ATF6: variants seen among roughly 807,000 people sequenced by gnomAD.
ATF6 encodes cyclic AMP-dependent transcription factor ATF-6 alpha.
A neutral mutation model predicts 83.6 loss-of-function variants in ATF6; 53 were observed. The ratio of observed to expected loss-of-function variants is 0.63; its 90% CI spans 0.51 to 0.80. The LOEUF (loss-of-function observed/expected upper bound fraction) is 0.80, where lower values mean the gene tolerates loss of function less well. Ranked by LOEUF, ATF6 falls within the 30% of genes least tolerant of loss-of-function variation. ATF6 has a pLI of 0.00. For synonymous variants in ATF6, 288 were observed against 285.8 expected, an observed-to-expected ratio of 1.01 and a Z score of -0.08; for missense variants, 744 against 797.9, an observed-to-expected ratio of 0.93 and a Z score of 0.81.
At chr1:161,915,166 A>G (rs559100486) in intron 15 of ATF6, among the ~76,000 whole-genome samples, 1 of 152,206 alleles carries the variant, frequency 6.6e-6, no homozygotes, top group African/African-American at 2.4e-5. Context: ...TGTTTCCACT[A>G]CCACCGGCCC....
In ATF6 at chr1:161,909,414, G is replaced by A. The variant is rs76655032; in HGVS notation, c.1720-2882G>A. Among the ~76,000 whole-genome samples the A allele has an allele frequency of 5.0e-3, 755 of 152,192 alleles. 6 individuals carry two copies. The highest frequency in any genetic ancestry group is 0.017 in the African/African-American group (720 of 41,496). ...GTAGCCTTATTTGGTTGCAAAGGAG[G>A]CTAGGAAATATAGTCTTTATTCTGG... On this transcript the variant is annotated intron_variant, in intron 14 of 15. Transcript: ENST00000367942.
intron 15 of ATF6, among the ~76,000 whole-genome samples, chr1:161,932,922 G>C (rs765318882): frequency 6.6e-6 from 1 of 152,150 alleles, no homozygotes; most frequent in Non-Finnish European, 1.5e-5. Context: ...TCAGTTCCTT[G>C]CCATATGCGC....
intron 14 of ATF6, among the ~76,000 whole-genome samples, chr1:161,902,798 T>C (rs1008166106): frequency 1.3e-5 from 2 of 152,188 alleles, no homozygotes; most frequent in African/African-American, 4.8e-5. Context: ...TAACGATATA[T>C]AATAGGTGTT....
At chr1:161,829,887 C>T (rs1216375666) in intron 9 of ATF6, among the ~76,000 whole-genome samples, 4 of 151,972 alleles carry the variant, frequency 2.6e-5, no homozygotes, top group South Asian at 2.1e-4. Flanking sequence ...CCTTTGAAAA[C>T]TGGCACAAGA....
intron 4 of ATF6, among the ~76,000 whole-genome samples, chr1:161,784,921 A>G (rs1463127055): frequency 3.3e-5 from 5 of 152,240 alleles, no homozygotes; most frequent in African/African-American, 1.2e-4. Context: ...GAAATCTTTC[A>G]GTGTCACAAG....
At chr1:161,954,228 C>G (rs1422991491) in intron 15 of ATF6, among the ~76,000 whole-genome samples, 1 of 152,168 alleles carries the variant, frequency 6.6e-6, no homozygotes, top group Non-Finnish European at 1.5e-5. Flanking sequence ...CATTCTACCA[C>G]TTCCTTGTTC....
chr1:161,876,390 A>G (rs1483911884), intron 14 of ATF6, among the ~76,000 whole-genome samples: 1 of 151,996 alleles, frequency 6.6e-6, no homozygotes, highest in Non-Finnish European at 1.5e-5. Context: ...AAGGTCGATT[A>G]TCCACAATTT....
intron 14 of ATF6, among the ~76,000 whole-genome samples, chr1:161,874,001 C>T (rs1481193976): frequency 2.6e-5 from 4 of 151,674 alleles, no homozygotes; most frequent in Admixed American, 1.3e-4. Flanking sequence ...GTTTACTGAG[C>T]ATTGTTATCA....
chr1:161,811,508 A>G (rs565191305), intron 7 of ATF6, among the ~76,000 whole-genome samples: 1 of 152,318 alleles, frequency 6.6e-6, no homozygotes, highest in South Asian at 2.1e-4. Flanking sequence ...TGGTTATTGT[A>G]TGGGTACACA....
rs1346093209 is a variant in ATF6 at position 161,915,966 on chromosome 1, T to A, written c.1804+3586T>A. ...CTGTTACCTCTGGTGTAGGGAGACT[T>A]CTTTGACTTCACATCCTATTTCTCT... On this transcript the variant is annotated intron_variant, in intron 15 of 15. Coordinates refer to ENST00000367942, the MANE Select transcript of ATF6 (RefSeq NM_007348.4). Among the ~76,000 whole-genome samples the A allele has an allele frequency of 2.6e-5, 4 of 152,044 alleles. No individual in the cohort carries two copies. The East Asian group carries it at 7.7e-4, about 29-fold the overall frequency.
At chr1:161,934,066 G>A (rs765124702) in intron 15 of ATF6, among the ~76,000 whole-genome samples, 5 of 152,192 alleles carry the variant, frequency 3.3e-5, no homozygotes, top group East Asian at 1.9e-4. Context: ...TAACTTGTAC[G>A]TAAACAGGCT....
chr1:161,828,443 TC>T (rs1345733552), intron 9 of ATF6, among the ~76,000 whole-genome samples: 5 of 152,180 alleles, frequency 3.3e-5, no homozygotes, highest in Non-Finnish European at 5.9e-5. Context: ...TAGTTCCTGA[TC>T]CTTGCGGCGT....
intron 15 of ATF6, among the ~76,000 whole-genome samples, chr1:161,952,664 G>A (rs1688889098): frequency 6.7e-6 from 1 of 148,730 alleles, no homozygotes; most frequent in Non-Finnish European, 1.5e-5. Flanking sequence ...TAATGTTCAG[G>A]CATTATATAT....
At chr1:161,950,481 T>C (rs1289687419) in intron 15 of ATF6, among the ~76,000 whole-genome samples, 1 of 152,236 alleles carries the variant, frequency 6.6e-6, no homozygotes, top group Non-Finnish European at 1.5e-5. Flanking sequence ...CTGGATGTTA[T>C]AGGGACGTGC....
intron 9 of ATF6, among the ~76,000 whole-genome samples, chr1:161,825,290 C>T (rs770273189): frequency 6.6e-6 from 1 of 152,184 alleles, no homozygotes; most frequent in South Asian, 2.1e-4. Flanking sequence ...GATTCTCCTT[C>T]CTTGGCCTTC....
intron 1 of ATF6, among the ~76,000 whole-genome samples, chr1:161,774,111 A>G (rs1000727240): frequency 3.3e-5 from 5 of 152,178 alleles, no homozygotes; most frequent in African/African-American, 1.2e-4. Flanking sequence ...GGAAATGTTT[A>G]TTTTTAAAAA....
intron 15 of ATF6, among the ~76,000 whole-genome samples, chr1:161,953,670 C>G (rs996469764): frequency 6.6e-6 from 1 of 152,146 alleles, no homozygotes; most frequent in African/African-American, 2.4e-5. Context: ...GCCAGAAGCT[C>G]TTTGCCCCAT....
intron 14 of ATF6, among the ~76,000 whole-genome samples, chr1:161,882,262 T>C (rs1252886797): frequency 6.6e-6 from 1 of 152,076 alleles, no homozygotes; most frequent in Non-Finnish European, 1.5e-5. Flanking sequence ...CTGTAGATAA[T>C]TATAACAAAA....
chr1:161,821,351 A>G (rs932049832), intron 9 of ATF6, among the ~76,000 whole-genome samples, 190 bp downstream of exon 9: 2 of 152,204 alleles, frequency 1.3e-5, no homozygotes, highest in South Asian at 2.1e-4. Context: ...AAGGATGACT[A>G]TGGTATAATG....
Sources: gnomAD v4.1 joint callset for allele counts (sites outside exome capture counted in the v4.1 genomes callset) on GRCh38, gnomAD v4.1.1 for gene constraint, MANE v1.5 for transcripts, NCBI Gene and HGNC (gene_info 2026-07-23, HGNC 2026-07-21) for gene names.